Variants in MYO1F observed in about 807,000 individuals in gnomAD.
MYO1F encodes myosin IF, also known as unconventional myosin-If.
A neutral mutation model predicts 146.6 loss-of-function variants in MYO1F; 60 were observed. That is an observed-to-expected ratio of 0.41 (90% CI 0.33 to 0.51). The LOEUF (loss-of-function observed/expected upper bound fraction) is 0.51, where lower values mean the gene tolerates loss of function less well. MYO1F is among the 20% of genes least tolerant of loss of function. The probability of loss-of-function intolerance (pLI) is 0.25; values close to 1 mark genes in which losing one functional copy is unlikely to be tolerated. For synonymous variants in MYO1F, 602 were observed against 602.1 expected (o/e 1.00, Z 0.00); for missense variants, 1,274 against 1,534.3 (o/e 0.83, Z 2.83).
chr19:8,545,840 C>G (rs921823932), intron 12 of MYO1F, 104 bp from the exon 13 acceptor site: 9 of 856,520 alleles, frequency 1.1e-5, no homozygotes, highest in Non-Finnish European at 1.8e-5. Context: ...AGGACTGTCT[C>G]TGGTAACAAA....
At chr19:8,550,983 C>T (rs534826510) in intron 8 of MYO1F, among the ~76,000 whole-genome samples, 4 of 151,916 alleles carry the variant, frequency 2.6e-5, no homozygotes, top group East Asian at 3.9e-4. Flanking sequence ...CAGGTTCAAG[C>T]GATTTTCCTG....
chr19:8,528,453 G>A (rs1343786779), intron 21 of MYO1F, among the ~76,000 whole-genome samples: 1 of 148,194 alleles, frequency 6.7e-6, no homozygotes, highest in Non-Finnish European at 1.5e-5. Flanking sequence ...GCTTGAGCCT[G>A]GGAGGCAGAG....
Position 8,530,549 on chromosome 19 carries a change from C to T in MYO1F, c.2068G>A (p.Glu690Lys), listed in dbSNP as rs761433713. The change falls in exon 20 of 28, where the codon GAG becomes AAG. Residue 690 changes from glutamate to lysine, a missense_variant. By Grantham distance (56) the Glu-to-Lys change is moderately conservative. Transcript: ENST00000644032. This position sits in a 1 kb window ranked among gnomAD's most constrained non-coding sequence, Gnocchi z 5.8. ...CGGGCAAAGCCATCGAACTTTCGCTCTCGCACCTCCTCCAGGAGGAAAAGC... is the reference window on the plus strand; with the variant it reads ...CGGGCAAAGCCATCGAACTTTCGCTTTCGCACCTCCTCCAGGAGGAAAAGC... ...ESLFLLEEVRERKFDGFARTI... is the reference protein window; with the variant it reads ...ESLFLLEEVRKRKFDGFARTI... 1 of 1,612,664 alleles carries T rather than the reference C, an allele frequency of 6.2e-7. No homozygotes were observed. Among genetic ancestry groups the T allele is most frequent in the South Asian group, 1.1e-5 (1 of 91,076 alleles).
chr19:8,561,396 TCCTTCCTTTCTCCTCTC>T (rs1473181955), intron 1 of MYO1F, among the ~76,000 whole-genome samples: 2 of 107,566 alleles, frequency 1.9e-5, no homozygotes, highest in Non-Finnish European at 3.5e-5. Flanking sequence ...CTTCTTTCCT[TCCTTCCTTTCTCCTCTC>T]CCTCCCTTCC....
chr19:8,545,521 T>C, intron 13 of MYO1F, 129 bp downstream of exon 13: 1 of 801,406 alleles, frequency 1.2e-6, no homozygotes, highest in South Asian at 1.4e-5. Context: ...TATCTGTCGC[T>C]GGAAGTCCTG....
chr19:8,571,078 C>T (rs2042098445), intron 1 of MYO1F, among the ~76,000 whole-genome samples: 1 of 152,238 alleles, frequency 6.6e-6, no homozygotes, highest in Non-Finnish European at 1.5e-5. Flanking sequence ...CAACTCACCC[C>T]ATGGGCTCCA....
chr19:8,551,334 G>A (rs1285575854), intron 8 of MYO1F: 5 of 281,450 alleles, frequency 1.8e-5, no homozygotes, highest in South Asian at 1.6e-4. Context: ...TTACAGGTGT[G>A]AGCCACCGTG....
At chr19:8,540,054 G>A (rs1310127955) in intron 15 of MYO1F, 26 bp from the exon 16 acceptor site, 2 of 1,593,952 alleles carry the variant, frequency 1.3e-6, no homozygotes, top group South Asian at 1.1e-5. Flanking sequence ...GAGAGGAGGA[G>A]TTGGAGGTAT....
At chr19:8,524,388 G>A (rs1972179649) in intron 25 of MYO1F, among the ~76,000 whole-genome samples, 1 of 144,044 alleles carries the variant, frequency 6.9e-6, no homozygotes, top group African/African-American at 2.6e-5. Context: ...TTGCACCCCA[G>A]CCTGGGCAAC....
In MYO1F at chr19:8,521,354, G is replaced by T. The variant is rs1164801149; in HGVS notation, c.*174C>A. 10 of 684,532 alleles carry T rather than the reference G, an allele frequency of 1.5e-5. No homozygotes were observed. Among genetic ancestry groups the T allele is most frequent in the Non-Finnish European group, 2.6e-5 (10 of 377,834 alleles). 42.4% of individuals were successfully genotyped at this position (684,532 alleles called of 1,614,324 possible). ...GGAAGACCAGGGCCCAGGGGCGGGGGCTGCAGCAGTGACCTGGTGACCCAG... is the reference window on the plus strand; with the variant it reads ...GGAAGACCAGGGCCCAGGGGCGGGGTCTGCAGCAGTGACCTGGTGACCCAG... On this transcript the variant is annotated 3_prime_UTR_variant, in exon 28 of 28. Transcript: ENST00000644032.
At chr19:8,525,827 G>T (rs752137230) in intron 24 of MYO1F, among the ~76,000 whole-genome samples, 1 of 152,148 alleles carries the variant, frequency 6.6e-6, no homozygotes, top group Non-Finnish European at 1.5e-5. Context: ...TGCCGCTCTG[G>T]CCGCACCCCT....
intron 27 of MYO1F, among the ~76,000 whole-genome samples, chr19:8,521,814 G>GT (rs35658338): frequency 1.9e-3 from 287 of 149,166 alleles, no homozygotes; most frequent in African/African-American, 3.5e-3. Context: ...CTCTTTAAAA[G>GT]TTTTTTTTTT....
At chr19:8,553,894 A>ACACACACACACACACACT in intron 4 of MYO1F, among the ~76,000 whole-genome samples, 16 of 102,666 alleles carry the variant, frequency 1.6e-4, no homozygotes, top group African/African-American at 6.3e-4. Context: ...ACACACACAC[A>ACACACACACACACACACT]CTCTCTCTCT....
intron 10 of MYO1F, among the ~76,000 whole-genome samples, chr19:8,548,558 ACT>A (rs1973468170): frequency 6.8e-6 from 1 of 148,098 alleles, no homozygotes; most frequent in Non-Finnish European, 1.5e-5. Context: ...TCCAGAGCTG[ACT>A]CTGCCCCTGA....
chr19:8,525,512 C>G lies in MYO1F; in HGVS notation c.2821G>C (p.Ala941Pro). 6.2e-7 allele frequency: 1 copy of G among 1,613,546 alleles called. No homozygotes were observed. Among genetic ancestry groups the G allele is most frequent in the Non-Finnish European group, 8.5e-7 (1 of 1,179,982 alleles). The part of the protein sequence containing the change: ...AKGKPRRSSQ[A>P]PTRAAPAPPR... ...GGCGCAGGGGCCGCCCGGGTAGGGG[C>G]TTGGGACGACCTCCGAGGTTTTCCC... Residue 941 changes from alanine to proline, a missense_variant, in exon 25 of 28, where the codon GCC becomes CCC. Transcript: ENST00000644032.
Position 8,530,223 on chromosome 19 carries a change from C to A in MYO1F, c.2301G>T (p.Ser767=), listed in dbSNP as rs1308658528. ...GKRERVDFAD[S]VTKYDRRFKP... ...TGAAGCGGCGGTCGTACTTGGTGAC[C>A]GAATCGGCGAAGTCCACCCGCTCCC... Residue 767 remains serine (S), a synonymous_variant, in exon 21 of 28, where the codon TCG becomes TCT. Coordinates refer to ENST00000644032, the MANE Select transcript of MYO1F (RefSeq NM_012335.4). The surrounding 1 kb of genome is among the most constrained non-coding windows in gnomAD (Gnocchi z 5.8). 4.3e-6 allele frequency: 7 copies of A among 1,613,918 alleles called. No homozygotes were observed. The African/African-American group carries it at 5.3e-5, about 12-fold the overall frequency.
intron 1 of MYO1F, among the ~76,000 whole-genome samples, chr19:8,566,027 T>G (rs1483269691): frequency 6.6e-6 from 1 of 152,098 alleles, no homozygotes; most frequent in Non-Finnish European, 1.5e-5. Context: ...GAGGATCACT[T>G]GAGCCCAGGA....
intron 4 of MYO1F, 75 bp from the exon 5 acceptor site, chr19:8,553,512 G>A: frequency 8.4e-7 from 1 of 1,196,470 alleles, no homozygotes; most frequent in Non-Finnish European, 1.2e-6. Context: ...TTCATTCATT[G>A]AGCACCTACT....
chr19:8,566,567 G>A (rs947801228), intron 1 of MYO1F, among the ~76,000 whole-genome samples: 7 of 151,608 alleles, frequency 4.6e-5, no homozygotes, highest in African/African-American at 1.7e-4. Context: ...TGGCTGGAGT[G>A]CAGTGGCATG....
Sources: allele counts gnomAD v4.1 joint callset (sites outside exome capture counted in the v4.1 genomes callset), GRCh38; gene constraint gnomAD v4.1.1; non-coding constraint Gnocchi (gnomAD v3.1); transcripts MANE v1.5; gene names NCBI Gene and HGNC (gene_info 2026-07-23, HGNC 2026-07-21).